Variants in IMMP2L observed in about 807,000 individuals in gnomAD.
IMMP2L encodes inner mitochondrial membrane peptidase subunit 2.
A neutral mutation model predicts 19.3 loss-of-function variants in IMMP2L; 18 were observed. The observed-to-expected ratio is 0.93, with a 90% CI of 0.64 to 1.38. IMMP2L has a LOEUF of 1.38. Ranked by LOEUF, IMMP2L falls within the 40% of genes most tolerant of loss-of-function variation. The probability of loss-of-function intolerance (pLI) is 0.00; values close to 1 mark genes in which losing one functional copy is unlikely to be tolerated. For synonymous variants in IMMP2L, 76 were observed against 73.0 expected (o/e 1.04, Z -0.21); for missense variants, 233 against 218.2 (o/e 1.07, Z -0.43).
chr7:111,076,117 G>A (rs1795389958), intron 3 of IMMP2L, among the ~76,000 whole-genome samples: 1 of 152,072 alleles, frequency 6.6e-6, no homozygotes, highest in Non-Finnish European at 1.5e-5. Context: ...TATTGGTGGG[G>A]AGGAGTCCAT....
intron 2 of IMMP2L, among the ~76,000 whole-genome samples, chr7:111,510,067 CTG>C (rs1239230330): frequency 6.6e-6 from 1 of 152,024 alleles, no homozygotes; most frequent in Non-Finnish European, 1.5e-5. Flanking sequence ...ACTTACAATG[CTG>C]TAGGATTTCT....
intron 3 of IMMP2L, among the ~76,000 whole-genome samples, chr7:111,052,570 A>G (rs1389801780): frequency 1.3e-5 from 2 of 152,112 alleles, no homozygotes; most frequent in Non-Finnish European, 2.9e-5. Context: ...ACCTTACTGT[A>G]TTGATTTATG....
At chr7:110,737,534 T>C (rs1007887808) in intron 5 of IMMP2L, among the ~76,000 whole-genome samples, 2 of 152,090 alleles carry the variant, frequency 1.3e-5, no homozygotes, top group African/African-American at 2.4e-5. Context: ...CAAGAAGAGG[T>C]TGAGCTCAGA....
intron 3 of IMMP2L, among the ~76,000 whole-genome samples, chr7:111,478,846 A>C (rs1012988522): frequency 6.6e-6 from 1 of 152,162 alleles, no homozygotes; most frequent in Admixed American, 6.5e-5. Context: ...TATGCATGGT[A>C]TAATTTTTTA....
chr7:111,107,040 T>C (rs560628994), intron 3 of IMMP2L, among the ~76,000 whole-genome samples: 1 of 152,072 alleles, frequency 6.6e-6, no homozygotes, highest in East Asian at 1.9e-4. Context: ...AAAGTTTCTA[T>C]TAAATCAGAG....
Position 111,326,624 on chromosome 7 carries a change from A to G in IMMP2L, c.239+160614T>C, listed in dbSNP as rs532093812. Among the ~76,000 whole-genome samples the G allele has an allele frequency of 9.2e-5, 14 of 151,940 alleles. No individual in the cohort carries two copies. The South Asian group carries it at 1.9e-3, about 20-fold the overall frequency. On this transcript the variant is annotated intron_variant, in intron 3 of 5. Transcript: ENST00000405709. ...GATCACTAATCATCAGAAATATGCA[A>G]TGAAAACCGCAAGGATATATCAATT...
Position 111,088,483 on chromosome 7 carries a change from T to A in IMMP2L, c.240-124918A>T, listed in dbSNP as rs557446892. Among the ~76,000 whole-genome samples, 6 of 147,244 alleles carry A rather than the reference T, an allele frequency of 4.1e-5. No individual in the cohort carries two copies. The South Asian group carries it at 1.1e-3, about 26-fold the overall frequency. On this transcript the variant is annotated intron_variant, in intron 3 of 5. Coordinates refer to ENST00000405709, the MANE Select transcript of IMMP2L (RefSeq NM_032549.4). ...AATGAAGGGAGAGAAGGAGGGAGAG[T>A]AAGAAGAAGGAAGAAAAGAAGGAGA... is the stretch of plus-strand genomic sequence containing the variant.
intron 5 of IMMP2L, among the ~76,000 whole-genome samples, chr7:110,723,776 T>A (rs1795721754): frequency 6.6e-6 from 1 of 151,554 alleles, no homozygotes; most frequent in African/African-American, 2.4e-5. Flanking sequence ...ATATGCCATG[T>A]AACCTTCAAC....
At chr7:111,527,774 T>C (rs1418992131) in intron 1 of IMMP2L, among the ~76,000 whole-genome samples, 3 of 152,144 alleles carry the variant, frequency 2.0e-5, no homozygotes, top group African/African-American at 7.2e-5. Flanking sequence ...GACCAGAGCA[T>C]TGCTACCATC....
At chr7:110,665,355 T>G (rs1791372208) in intron 5 of IMMP2L, among the ~76,000 whole-genome samples, 1 of 152,216 alleles carries the variant, frequency 6.6e-6, no homozygotes, top group Non-Finnish European at 1.5e-5. Flanking sequence ...AATTTATCCC[T>G]GAAAACTTCA....
chr7:111,117,943 T>C lies in IMMP2L; in HGVS notation c.240-154378A>G, dbSNP rs185064434. On this transcript the variant is annotated intron_variant, in intron 3 of 5. Coordinates refer to ENST00000405709, the MANE Select transcript of IMMP2L (RefSeq NM_032549.4). ...CACACTTTGTTCTTAAGCTTTAGCA[T>C]TGCAAAAACTCATCTAAAAGACAGT... Among the ~76,000 whole-genome samples, 71 of 152,224 alleles carry C rather than the reference T, an allele frequency of 4.7e-4. No individual in the cohort carries two copies. The Middle Eastern group carries it at 0.014, about 29-fold the overall frequency.
At chr7:110,878,885 T>C (rs1031148493) in intron 5 of IMMP2L, among the ~76,000 whole-genome samples, 4 of 152,296 alleles carry the variant, frequency 2.6e-5, no homozygotes, top group South Asian at 4.1e-4. Flanking sequence ...GTTTTAGCCA[T>C]ATGGAGGTAT....
chr7:111,557,165 T>C (rs1268072727), intron 1 of IMMP2L, among the ~76,000 whole-genome samples: 1 of 152,058 alleles, frequency 6.6e-6, no homozygotes, highest in African/African-American at 2.4e-5. Flanking sequence ...TTTCAACCTC[T>C]CTTATCCCTA....
chr7:110,830,664 T>G (rs1217939124), intron 5 of IMMP2L, among the ~76,000 whole-genome samples: 1 of 152,038 alleles, frequency 6.6e-6, no homozygotes, highest in Non-Finnish European at 1.5e-5. Context: ...AGAAGCCACT[T>G]GAGAGTCATA....
At chr7:110,775,282 G>GTGTGTGTGTGTGTGTGTGT (rs1799310559) in intron 5 of IMMP2L, among the ~76,000 whole-genome samples, 3 of 55,464 alleles carry the variant, frequency 5.4e-5, no homozygotes, top group African/African-American at 1.7e-4. Flanking sequence ...TGTGTGTGTG[G>GTGTGTGTGTGTGTGTGTGT]TTCTGATCTA....
At chr7:111,051,792 C>G (rs1793029189) in intron 3 of IMMP2L, among the ~76,000 whole-genome samples, 1 of 152,106 alleles carries the variant, frequency 6.6e-6, no homozygotes, top group Non-Finnish European at 1.5e-5. Flanking sequence ...ATGATTGATT[C>G]TATCATAAGC....
chr7:110,942,507 T>C (rs1226209605), intron 4 of IMMP2L, among the ~76,000 whole-genome samples: 2 of 151,886 alleles, frequency 1.3e-5, no homozygotes, highest in Non-Finnish European at 2.9e-5. Flanking sequence ...AGCAGAATGA[T>C]TTTTTCTCCC....
chr7:110,718,345 T>C (rs1397669527), intron 5 of IMMP2L, among the ~76,000 whole-genome samples: 1 of 152,158 alleles, frequency 6.6e-6, no homozygotes, highest in Non-Finnish European at 1.5e-5. Flanking sequence ...TGGTAGATAT[T>C]TGGAGCAAAC....
At chr7:110,963,713 C>T (rs1342528006) in intron 3 of IMMP2L, 148 bp from the exon 4 acceptor site, 1 of 425,070 alleles carries the variant, frequency 2.4e-6, no homozygotes, top group African/African-American at 2.1e-5. Flanking sequence ...ACTTCGGTTC[C>T]AAGTGACATG....
Sources: allele counts gnomAD v4.1 joint callset (sites outside exome capture counted in the v4.1 genomes callset), GRCh38; gene constraint gnomAD v4.1.1; transcripts MANE v1.5; gene names NCBI Gene and HGNC (gene_info 2026-07-23, HGNC 2026-07-21).